Variants in NGEF observed in about 807,000 individuals in gnomAD.
NGEF encodes neuronal guanine nucleotide exchange factor.
NGEF carries 31 observed loss-of-function variants against 80.9 expected under a neutral mutation model. The ratio of observed to expected loss-of-function variants is 0.38; its 90% CI spans 0.29 to 0.52. NGEF has a LOEUF of 0.52. Among genes scored for constraint, NGEF ranks in the 20% least tolerant of loss-of-function variants. NGEF has a pLI of 0.84. For missense variants in NGEF, 709 were observed against 926.2 expected, an observed-to-expected ratio of 0.77 and a Z score of 3.04; for synonymous variants, 371 against 370.2, an observed-to-expected ratio of 1.00 and a Z score of -0.03.
At chr2:232,880,259 T>G (rs1691450736) in intron 14 of NGEF, among the ~76,000 whole-genome samples, 1 of 152,056 alleles carries the variant, frequency 6.6e-6, no homozygotes, top group Admixed American at 6.5e-5. Context: ...CTCCCTGCGC[T>G]GTTTCTCCAC....
At chr2:232,907,481 C>T (rs573231830) in intron 5 of NGEF, among the ~76,000 whole-genome samples, 2 of 152,198 alleles carry the variant, frequency 1.3e-5, no homozygotes, top group East Asian at 3.9e-4. Context: ...GGTTTTGTGT[C>T]GGTTACCAGA....
chr2:232,881,110 C>A, intron 14 of NGEF, 36 bp downstream of exon 14: 1 of 1,580,448 alleles, frequency 6.3e-7, no homozygotes, highest in Non-Finnish European at 8.7e-7. Flanking sequence ...GGGCAAGTTC[C>A]CCTGGGGGCC....
chr2:232,955,948 C>T (rs1337970758), intron 3 of NGEF, among the ~76,000 whole-genome samples: 2 of 152,178 alleles, frequency 1.3e-5, no homozygotes, highest in Non-Finnish European at 1.5e-5. Flanking sequence ...GGGCTGGCTA[C>T]CTTGTTAGTT....
chr2:232,995,879 C>G (rs1351864661), intron 1 of NGEF, among the ~76,000 whole-genome samples: 1 of 149,906 alleles, frequency 6.7e-6, no homozygotes, highest in Non-Finnish European at 1.5e-5. Flanking sequence ...ATAATACATA[C>G]ACTATAATAC....
intron 14 of NGEF, among the ~76,000 whole-genome samples, chr2:232,880,407 T>C (rs1418943657): frequency 6.6e-6 from 1 of 152,188 alleles, no homozygotes; most frequent in African/African-American, 2.4e-5. Context: ...GCTAGTTATA[T>C]TCCATGGGAA....
intron 5 of NGEF, among the ~76,000 whole-genome samples, chr2:232,906,533 C>T (rs1279075786): frequency 0.014 from 83 of 5,730 alleles, no homozygotes; most frequent in Middle Eastern, 0.071. Context: ...GGGGGTCAGC[C>T]CCCCGCCCGG....
intron 5 of NGEF, among the ~76,000 whole-genome samples, chr2:232,916,817 G>A (rs184130570): frequency 1.2e-4 from 18 of 152,304 alleles, no homozygotes; most frequent in South Asian, 2.1e-4. Flanking sequence ...CTTCATTCGG[G>A]ACCAGCAGTT....
chr2:232,961,632 A>G (rs911026517), intron 3 of NGEF, among the ~76,000 whole-genome samples: 1 of 152,030 alleles, frequency 6.6e-6, no homozygotes, highest in Non-Finnish European at 1.5e-5. Context: ...AGCTGGGACT[A>G]CAGGTGCCCG....
intron 3 of NGEF, among the ~76,000 whole-genome samples, chr2:232,941,520 G>A (rs1693436813): frequency 6.6e-6 from 1 of 152,332 alleles, no homozygotes; most frequent in South Asian, 2.1e-4. Flanking sequence ...AAGGAAGATG[G>A]ATTCAGTTAA....
At chr2:232,994,711 A>G (rs965856021) in intron 1 of NGEF, among the ~76,000 whole-genome samples, 1 of 152,094 alleles carries the variant, frequency 6.6e-6, no homozygotes, top group Admixed American at 6.6e-5. Flanking sequence ...TGTTGCTCCA[A>G]TGTCTTGCAG....
chr2:232,894,663 G>A (rs1691999095), intron 6 of NGEF, 93 bp downstream of exon 6: 1 of 1,179,786 alleles, frequency 8.5e-7, no homozygotes, highest in African/African-American at 1.5e-5. Flanking sequence ...AAGTAGAGAA[G>A]CCAGTATCGA....
chr2:232,901,621 A>G (rs572272316), intron 5 of NGEF, among the ~76,000 whole-genome samples: 1 of 152,296 alleles, frequency 6.6e-6, no homozygotes, highest in Admixed American at 6.5e-5. Flanking sequence ...GCCAGGAAAC[A>G]AAACGTAGCC....
rs1339568732 is a variant in NGEF at position 232,884,000 on chromosome 2, T to G, written c.1582A>C (p.Ile528Leu). The change falls in exon 11 of 15, where the codon ATC (isoleucine) becomes CTC (leucine). Residue 528 changes from isoleucine (I) to leucine (L), a missense_variant. Ile to Leu is a conservative substitution (Grantham distance 5). Transcript: ENST00000264051. ...ACTCACCCTGGAATCTGCCGGCAGATCACCAGCAGGTCGTTGAACAGGAAG... is the reference window on the plus strand; with the variant it reads ...ACTCACCCTGGAATCTGCCGGCAGAGCACCAGCAGGTCGTTGAACAGGAAG... The part of the protein sequence containing the change: ...YLFLFNDLLV[I>L]CRQIPGDKYQ... 6.2e-7 allele frequency: 1 copy of G among 1,610,916 alleles called. No individual in the cohort carries two copies. Among genetic ancestry groups the G allele is most frequent in the East Asian group, 2.2e-5 (1 of 44,708 alleles).
intron 1 of NGEF, among the ~76,000 whole-genome samples, chr2:232,978,888 C>T (rs78680200): frequency 0.074 from 11,221 of 152,286 alleles, 524 homozygotes; most frequent in Middle Eastern, 0.15. Context: ...CCGCCTAATA[C>T]TTGTATTTTT....
At chr2:232,975,089 C>T (rs992667191) in intron 1 of NGEF, 125 bp from the exon 2 acceptor site, 13 of 573,912 alleles carry the variant, frequency 2.3e-5, no homozygotes, top group South Asian at 7.4e-5. Context: ...CTGGTATCCA[C>T]GTCTTCGCCA....
intron 5 of NGEF, among the ~76,000 whole-genome samples, chr2:232,897,792 G>C (rs970651019): frequency 1.3e-5 from 2 of 151,976 alleles, no homozygotes; most frequent in East Asian, 3.9e-4. Flanking sequence ...TCCCCACGTC[G>C]CATCTGCCTC....
intron 6 of NGEF, 144 bp from the exon 7 acceptor site, chr2:232,893,194 CA>C (rs1330928196): frequency 2.7e-6 from 2 of 749,976 alleles, no homozygotes; most frequent in Middle Eastern, 3.9e-4. Context: ...GATCCATCGG[CA>C]GGGGCACCGA....
chr2:233,011,967 G>A (rs554346669), intron 1 of NGEF, among the ~76,000 whole-genome samples: 1 of 152,250 alleles, frequency 6.6e-6, no homozygotes, highest in East Asian at 1.9e-4. Context: ...CTCCCTTCAT[G>A]GACCAGAAAG....
At chr2:232,979,462 C>A (rs1286192091) in intron 1 of NGEF, among the ~76,000 whole-genome samples, 1 of 151,956 alleles carries the variant, frequency 6.6e-6, no homozygotes, top group African/African-American at 2.4e-5. Context: ...CTATTTTAAG[C>A]AAATGTGCTC....
Sources: allele counts gnomAD v4.1 joint callset (sites outside exome capture counted in the v4.1 genomes callset), GRCh38; gene constraint gnomAD v4.1.1; transcripts MANE v1.5; gene names NCBI Gene and HGNC (gene_info 2026-07-23, HGNC 2026-07-21).